Variants in SLC22A4 observed in about 807,000 individuals in gnomAD.
The protein encoded by SLC22A4 is ET transporter.
Under a neutral mutation model 56.6 loss-of-function variants are expected in SLC22A4, and 39 were observed. The observed-to-expected ratio is 0.69, with a 90% CI of 0.53 to 0.90. SLC22A4 has a LOEUF of 0.90. Ranked by LOEUF, SLC22A4 falls within the 40% of genes least tolerant of loss-of-function variation. The probability of loss-of-function intolerance (pLI) is 0.00; values close to 1 mark genes in which losing one functional copy is unlikely to be tolerated. For synonymous variants in SLC22A4, 241 were observed against 281.4 expected (o/e 0.86, Z 1.44); for missense variants, 594 against 696.5 (o/e 0.85, Z 1.66).
chr5:132,313,706 CTG>C lies in SLC22A4; in HGVS notation c.594_595del (p.Leu199IlefsTer80). On this transcript the variant is annotated frameshift_variant, in exon 3 of 10. Coordinates refer to ENST00000200652, the MANE Select transcript of SLC22A4 (RefSeq NM_003059.3). LOFTEE classifies it high-confidence loss of function. ...TTCTCCATCAGCTGGGAGATGTTCA[CTG>C]TGTTATTTGTCATCGTGGGCATGGG... is the stretch of plus-strand genomic sequence containing the variant. 6.2e-7 allele frequency: 1 copy of C among 1,614,170 alleles called. No homozygotes were observed.
At chr5:132,324,536 T>C (rs1486060402) in intron 4 of SLC22A4, 1 of 471,110 alleles carries the variant, frequency 2.1e-6, no homozygotes, top group Non-Finnish European at 4.4e-6. Flanking sequence ...GAGGCCAGCC[T>C]GGGACCAGCA....
At chr5:132,343,190 TAGG>T (rs1303685848) in intron 9 of SLC22A4, among the ~76,000 whole-genome samples, 2 of 152,242 alleles carry the variant, frequency 1.3e-5, no homozygotes, top group Non-Finnish European at 2.9e-5. Flanking sequence ...TAGTGGTATT[TAGG>T]AGAAGTTTAG....
In SLC22A4 at chr5:132,322,275, G is replaced by C. The variant is rs751368946; in HGVS notation, c.744G>C (p.Leu248=). The C allele has an allele frequency of 1.0e-4, 163 of 1,613,976 alleles. No individual in the cohort carries two copies. The highest frequency in any genetic ancestry group is 1.3e-4 in the Non-Finnish European group (158 of 1,179,986). The stretch of plus-strand genomic sequence containing the variant: ...CAGTTGGCTATATGCTGCTGCCACT[G>C]TTTGCTTACTTCATCAGAGACTGGC... ...FFAVGYMLLP[L]FAYFIRDWRM... Residue 248 remains leucine, a synonymous_variant, in exon 4 of 10, where the codon CTG becomes CTC. Transcript: ENST00000200652.
intron 1 of SLC22A4, among the ~76,000 whole-genome samples, chr5:132,301,019 G>A (rs754032741): frequency 2.0e-5 from 3 of 152,260 alleles, no homozygotes; most frequent in Non-Finnish European, 2.9e-5. Context: ...GAGGCCCTGC[G>A]TGTGAGGAAA....
At chr5:132,297,053 C>G (rs1403722231) in intron 1 of SLC22A4, among the ~76,000 whole-genome samples, 1 of 152,194 alleles carries the variant, frequency 6.6e-6, no homozygotes, top group Non-Finnish European at 1.5e-5. Flanking sequence ...CACAGTGGCT[C>G]ACGCCTGTAA....
At chr5:132,335,730 A>G in intron 7 of SLC22A4, 88 bp from the exon 8 acceptor site, 2 of 1,103,378 alleles carry the variant, frequency 1.8e-6, no homozygotes, top group Non-Finnish European at 2.8e-6. Flanking sequence ...AAGTACTCCC[A>G]CTGAAGCAAA....
chr5:132,305,904 C>CAA (rs1750016726), intron 1 of SLC22A4, among the ~76,000 whole-genome samples: 1 of 152,098 alleles, frequency 6.6e-6, no homozygotes, highest in Non-Finnish European at 1.5e-5. Flanking sequence ...AAAAGCTTCC[C>CAA]ATGTTCTGTT....
chr5:132,334,714 T>G lies in SLC22A4; in HGVS notation c.1047-4T>G. ...CCTTTGTCATTTTTACCTTCTTCTT[T>G]CAGGATGCTGACCTCAGTGGGTTAC... On this transcript the variant is annotated splice_polypyrimidine_tract_variant and splice_region_variant and intron_variant, in intron 6 of 9. Coordinates refer to ENST00000200652, the MANE Select transcript of SLC22A4 (RefSeq NM_003059.3). 6.2e-7 allele frequency: 1 copy of G among 1,607,014 alleles called. No homozygotes were observed. The highest frequency in any genetic ancestry group is 8.5e-7 in the Non-Finnish European group (1 of 1,173,440).
At chr5:132,333,025 G>C (rs1750913081) in intron 6 of SLC22A4, among the ~76,000 whole-genome samples, 1 of 151,994 alleles carries the variant, frequency 6.6e-6, no homozygotes, top group African/African-American at 2.4e-5. Context: ...TTACTAAATG[G>C]GAAAATCACT....
At chr5:132,295,640 G>C (rs1210087920) in intron 1 of SLC22A4, 1 of 248,096 alleles carries the variant, frequency 4.0e-6, no homozygotes, top group Non-Finnish European at 8.1e-6. Context: ...GCAGGCAGGG[G>C]CTGTAGCCCC....
intron 6 of SLC22A4, chr5:132,332,435 T>C (rs1750889792): frequency 6.5e-6 from 1 of 154,982 alleles, no homozygotes; most frequent in Admixed American, 6.2e-5. Flanking sequence ...GGGTAATGGT[T>C]CCCTCCCCAC....
At position 132,301,149 on chromosome 5, in the gene SLC22A4, G is replaced by A. The variant is rs543957695; in HGVS notation, c.393+6140G>A. On this transcript the variant is annotated intron_variant, in intron 1 of 9. Coordinates refer to ENST00000200652, the MANE Select transcript of SLC22A4 (RefSeq NM_003059.3). ...CAAGCAGCAGAGGCAATCCTGGCTC[G>A]TGGCCAGGGGCTAAGCATGGGCTGG... Among the ~76,000 whole-genome samples the A allele has an allele frequency of 5.9e-5, 9 of 152,360 alleles. No individual in the cohort carries two copies. The South Asian group carries it at 1.0e-3, about 18-fold the overall frequency.
chr5:132,338,751 G>C (rs983533953), intron 8 of SLC22A4, among the ~76,000 whole-genome samples: 1 of 152,210 alleles, frequency 6.6e-6, no homozygotes, highest in African/African-American at 2.4e-5. Flanking sequence ...AGAGTTTAAG[G>C]TTATCTCTCT....
chr5:132,309,265 G>T (rs1750119032), intron 1 of SLC22A4, among the ~76,000 whole-genome samples: 1 of 152,202 alleles, frequency 6.6e-6, no homozygotes, highest in Admixed American at 6.5e-5. Context: ...TTTCCAAAAA[G>T]ACACTTGCGG....
chr5:132,327,244 G>GAAAAATTATTAAATATTAAAA, intron 4 of SLC22A4, 33 bp from the exon 5 acceptor site: 1 of 1,484,692 alleles, frequency 6.7e-7, no homozygotes, highest in Non-Finnish European at 9.1e-7. Context: ...CTGCTGTTGT[G>GAAAAATTATTAAATATTAAAA]AAAAATTATT....
chr5:132,322,211 GTATTA>G lies in SLC22A4; in HGVS notation c.685_689del (p.Ile229LeufsTer49), dbSNP rs1561541964. ...ACAGAAATTCTTGGCAAGTCAGTTC[GTATTA>G]TATTCTCTACATTAGGAGTGTGCAC... On this transcript the variant is annotated frameshift_variant, in exon 4 of 10. Transcript: ENST00000200652. LOFTEE classifies it high-confidence loss of function. 1 of 1,613,646 alleles carries G rather than the reference GTATTA, an allele frequency of 6.2e-7. No homozygotes were observed. Among genetic ancestry groups the G allele is most frequent in the South Asian group, 1.1e-5 (1 of 91,074 alleles).
intron 5 of SLC22A4, among the ~76,000 whole-genome samples, chr5:132,328,212 C>T (rs1750735338): frequency 6.6e-6 from 1 of 152,148 alleles, no homozygotes; most frequent in South Asian, 2.1e-4. Flanking sequence ...CAGCAGGACT[C>T]ACTTAAATGA....
chr5:132,295,292 C>G, intron 1 of SLC22A4: 1 of 647,830 alleles, frequency 1.5e-6, no homozygotes, highest in Non-Finnish European at 2.9e-6. Context: ...TCCTAAGAAC[C>G]TAGATGTTGC....
chr5:132,318,435 G>C (rs1174429779), intron 3 of SLC22A4, among the ~76,000 whole-genome samples: 1 of 152,186 alleles, frequency 6.6e-6, no homozygotes, highest in Non-Finnish European at 1.5e-5. Flanking sequence ...CCCCGTGCCA[G>C]ATGGAGGACA....
Sources: gnomAD v4.1 joint callset for allele counts (sites outside exome capture counted in the v4.1 genomes callset) on GRCh38, gnomAD v4.1.1 for gene constraint, MANE v1.5 for transcripts, NCBI Gene and HGNC (gene_info 2026-07-23, HGNC 2026-07-21) for gene names.